Variants in R3HDM1 observed in about 807,000 individuals in gnomAD.
R3HDM1 encodes the protein R3H domain containing 1.
R3HDM1 carries 46 observed loss-of-function variants against 141.1 expected under a neutral mutation model. That is an observed-to-expected ratio of 0.33 (90% CI 0.26 to 0.42). R3HDM1 has a LOEUF of 0.42. R3HDM1 is among the 10% of genes least tolerant of loss of function. The pLI is 1.00. For missense variants in R3HDM1, 1,184 were observed against 1,368.3 expected (o/e 0.87, Z 2.12); for synonymous variants, 435 against 472.9 (o/e 0.92, Z 1.04).
Position 135,585,672 on chromosome 2 carries a change from T to C in R3HDM1, c.-249-16828T>C, listed in dbSNP as rs894323067. Among the ~76,000 whole-genome samples the C allele has an allele frequency of 1.1e-4, 17 of 152,192 alleles. No individual in the cohort carries two copies. In the Middle Eastern group the frequency reaches 9.5e-3, roughly 85 times the overall value. On this transcript the variant is annotated intron_variant, in intron 1 of 26. Coordinates refer to ENST00000683871, the MANE Select transcript of R3HDM1 (RefSeq NM_001378107.1). Reference sequence around the variant, plus strand: ...TAATTATTAAACATTGTTTTTTAAATTTGGTTTTGGTTGATTCCTTTTCTT... The same window carrying C: ...TAATTATTAAACATTGTTTTTTAAACTTGGTTTTGGTTGATTCCTTTTCTT...
At chr2:135,632,122 A>C (rs1462405584) in intron 9 of R3HDM1, 121 bp downstream of exon 9, 1 of 872,018 alleles carries the variant, frequency 1.1e-6, no homozygotes, top group Non-Finnish European at 1.6e-6. Flanking sequence ...TTTTATGATA[A>C]CCTTATGTGA....
chr2:135,545,999 T>C (rs1268580444), intron 1 of R3HDM1, among the ~76,000 whole-genome samples: 1 of 152,224 alleles, frequency 6.6e-6, no homozygotes, highest in African/African-American at 2.4e-5. Flanking sequence ...TCCTTGTCTG[T>C]CTTCTTCCAG....
At chr2:135,629,453 A>G (rs1171813675) in intron 7 of R3HDM1, among the ~76,000 whole-genome samples, 1 of 152,252 alleles carries the variant, frequency 6.6e-6, no homozygotes, top group Non-Finnish European at 1.5e-5. Context: ...AAAGAATACT[A>G]AAAGACCTTC....
At chr2:135,548,049 G>A (rs1464136176) in intron 1 of R3HDM1, among the ~76,000 whole-genome samples, 1 of 152,152 alleles carries the variant, frequency 6.6e-6, no homozygotes, top group East Asian at 1.9e-4. Flanking sequence ...TAGGATTACA[G>A]GTGTGAGCCA....
chr2:135,706,613 G>A (rs868044748), intron 21 of R3HDM1, among the ~76,000 whole-genome samples: 122 of 152,192 alleles, frequency 8.0e-4, no homozygotes, highest in African/African-American at 2.5e-3. Flanking sequence ...CATCTGTTTA[G>A]CAAAGCACAT....
intron 15 of R3HDM1, 41 bp from the exon 16 acceptor site, chr2:135,645,338 G>A (rs376890492): frequency 1.3e-6 from 2 of 1,532,648 alleles, no homozygotes; most frequent in African/African-American, 1.4e-5. Flanking sequence ...TTTTCCACCT[G>A]TATTCTAAGT....
intron 1 of R3HDM1, among the ~76,000 whole-genome samples, chr2:135,567,409 A>G (rs1343687566): frequency 2.0e-5 from 3 of 152,224 alleles, no homozygotes; most frequent in South Asian, 2.1e-4. Flanking sequence ...CGTACACTCA[A>G]TAAGCTTTAC....
At chr2:135,562,979 T>C (rs1458033298) in intron 1 of R3HDM1, among the ~76,000 whole-genome samples, 1 of 152,218 alleles carries the variant, frequency 6.6e-6, no homozygotes, top group Non-Finnish European at 1.5e-5. Context: ...GCAAAAATAA[T>C]AGTATCCCCT....
chr2:135,708,958 CA>C (rs374959932), intron 21 of R3HDM1, among the ~76,000 whole-genome samples: 21,803 of 102,566 alleles, frequency 0.21, 1,557 homozygotes, highest in East Asian at 0.45. Context: ...AACTCTGTCT[CA>C]AAAAAAAAAA....
At chr2:135,707,850 C>G (rs1040251370) in intron 21 of R3HDM1, among the ~76,000 whole-genome samples, 9 of 152,198 alleles carry the variant, frequency 5.9e-5, no homozygotes, top group Non-Finnish European at 1.0e-4. Flanking sequence ...CACTTATGAT[C>G]CAAAATCACT....
intron 1 of R3HDM1, among the ~76,000 whole-genome samples, chr2:135,545,033 C>G (rs1191969659): frequency 2.6e-5 from 4 of 152,152 alleles, no homozygotes; most frequent in African/African-American, 9.7e-5. Context: ...AATAACCCCA[C>G]CTCCTTAATG....
intron 26 of R3HDM1, among the ~76,000 whole-genome samples, chr2:135,723,454 G>A (rs1030549124): frequency 3.3e-5 from 5 of 151,748 alleles, no homozygotes; most frequent in Admixed American, 1.3e-4. Context: ...CTTGCCTATC[G>A]GGTAAGTAGG....
rs547035307 is a variant in R3HDM1, at chr2:135,535,621, C to G, written c.-250+3988C>G. Among the ~76,000 whole-genome samples the G allele has an allele frequency of 4.9e-4, 74 of 152,152 alleles. 1 individual carries two copies. The highest frequency in any genetic ancestry group is 3.4e-3 in the Middle Eastern group (1 of 294). ...TAAACTTTAAAAAAAATTAAATCAT[C>G]TTCCACTTAATCCCCGAGACTTCCC... On this transcript the variant is annotated intron_variant, in intron 1 of 26. Coordinates refer to ENST00000683871, the MANE Select transcript of R3HDM1 (RefSeq NM_001378107.1).
intron 18 of R3HDM1, among the ~76,000 whole-genome samples, chr2:135,653,792 G>A (rs2065430303): frequency 6.6e-6 from 1 of 152,132 alleles, no homozygotes; most frequent in South Asian, 2.1e-4. Context: ...GCTGGGTGTG[G>A]TGGTGCGCAC....
At chr2:135,665,441 A>T (rs1369734350) in intron 19 of R3HDM1, 1 of 533,392 alleles carries the variant, frequency 1.9e-6, no homozygotes, top group African/African-American at 1.9e-5. Flanking sequence ...AGAGGTTTAC[A>T]TTTCTCACAG....
In R3HDM1 at chr2:135,638,635, G is replaced by T. The variant is rs1443182554; in HGVS notation, c.921G>T (p.Glu307Asp). 1.2e-6 allele frequency: 2 copies of T among 1,610,124 alleles called. No homozygotes were observed. Among genetic ancestry groups the T allele is most frequent in the African/African-American group, 2.7e-5 (2 of 74,916 alleles). Residue 307 changes from glutamate (E) to aspartate (D), a missense_variant, in exon 12 of 27, where the codon GAG (glutamate) becomes GAT (aspartate). Coordinates refer to ENST00000683871, the MANE Select transcript of R3HDM1 (RefSeq NM_001378107.1). ...TTTTCTAGTCCCTGTGTTCCCAAGA[G>T]AATTACATTATTGACAAAAGGTGAG... ...IFSQDSLCSQ[E>D]NYIIDKRLQD...
At chr2:135,563,654 A>G (rs1018180225) in intron 1 of R3HDM1, among the ~76,000 whole-genome samples, 1 of 152,204 alleles carries the variant, frequency 6.6e-6, no homozygotes, top group African/African-American at 2.4e-5. Flanking sequence ...CCAGTGGAAT[A>G]CGTTTATAAT....
At chr2:135,601,882 G>A (rs527972648) in intron 1 of R3HDM1, among the ~76,000 whole-genome samples, 1 of 151,524 alleles carries the variant, frequency 6.6e-6, no homozygotes, top group South Asian at 2.1e-4. Flanking sequence ...TGCTAGTCTT[G>A]AGCCCCTGGC....
At chr2:135,636,230 T>TA in intron 11 of R3HDM1, 47 bp downstream of exon 11, 1 of 1,578,920 alleles carries the variant, frequency 6.3e-7, no homozygotes, top group Admixed American at 1.9e-5. Context: ...ATATTCTAAT[T>TA]ACGTTGTAGG....
Sources: allele counts gnomAD v4.1 joint callset (sites outside exome capture counted in the v4.1 genomes callset), GRCh38; gene constraint gnomAD v4.1.1; transcripts MANE v1.5; gene names NCBI Gene and HGNC (gene_info 2026-07-23, HGNC 2026-07-21).